Variants in TMEM177 observed in about 807,000 individuals in gnomAD.
TMEM177 encodes the protein transmembrane protein 177.
TMEM177 carries 4 observed loss-of-function variants against 14.2 expected under a neutral mutation model. That is an observed-to-expected ratio of 0.28 (90% CI 0.14 to 0.64). The LOEUF is 0.64. Ranked by LOEUF, TMEM177 falls within the 30% of genes least tolerant of loss-of-function variation. The probability of loss-of-function intolerance (pLI) is 0.82; values close to 1 mark genes in which losing one functional copy is unlikely to be tolerated. For missense variants in TMEM177, 344 were observed against 405.2 expected, an observed-to-expected ratio of 0.85 and a Z score of 1.30; for synonymous variants, 179 against 174.5, an observed-to-expected ratio of 1.03 and a Z score of -0.20.
chr2:119,718,052 G>C, the TMEM177 span, among the ~76,000 whole-genome samples: 1 of 152,162 alleles, frequency 6.6e-6, no homozygotes, highest in Non-Finnish European at 1.5e-5. Context: ...CCAAGGGAGT[G>C]GGGGCACAAA....
At chr2:119,715,067 C>T in the TMEM177 span, among the ~76,000 whole-genome samples, 1 of 152,124 alleles carries the variant, frequency 6.6e-6, no homozygotes, top group South Asian at 2.1e-4. Flanking sequence ...CATGGAGGCT[C>T]TTATCACTCT....
At chr2:119,708,924 T>G in the TMEM177 span, among the ~76,000 whole-genome samples, 1 of 152,248 alleles carries the variant, frequency 6.6e-6, no homozygotes, top group African/African-American at 2.4e-5. Context: ...AGGCAAGAAC[T>G]AAGTCTCATA....
chr2:119,684,130 C>A (rs1006568834), downstream of TMEM177, among the ~76,000 whole-genome samples: 3 of 152,190 alleles, frequency 2.0e-5, no homozygotes, highest in Non-Finnish European at 4.4e-5. Flanking sequence ...CATCTCCTGC[C>A]CATCCGTGTC....
the TMEM177 span, among the ~76,000 whole-genome samples, chr2:119,701,656 G>T: frequency 0.93 from 142,429 of 152,336 alleles, 66,862 homozygotes; most frequent in East Asian, 1. Flanking sequence ...AGACAGAGCC[G>T]GTTTATCAAG....
chr2:119,720,165 T>G, the TMEM177 span, among the ~76,000 whole-genome samples: 1 of 151,980 alleles, frequency 6.6e-6, no homozygotes, highest in Non-Finnish European at 1.5e-5. Context: ...AAATTTTAAA[T>G]AAACACAGGG....
At chr2:119,691,844 C>G in the TMEM177 span, among the ~76,000 whole-genome samples, 1 of 152,220 alleles carries the variant, frequency 6.6e-6, no homozygotes, top group South Asian at 2.1e-4. Context: ...GTCCCCATCA[C>G]CTGGTGACAT....
At chr2:119,703,103 T>G in the TMEM177 span, among the ~76,000 whole-genome samples, 2 of 152,210 alleles carry the variant, frequency 1.3e-5, no homozygotes, top group Admixed American at 6.5e-5. Context: ...CCCAGAGAGC[T>G]AGGAGCGCCT....
intron 1 of TMEM177, among the ~76,000 whole-genome samples, chr2:119,679,784 A>T (rs764533858): frequency 6.6e-6 from 1 of 152,214 alleles, no homozygotes; most frequent in Non-Finnish European, 1.5e-5. Flanking sequence ...AAGTTGATGG[A>T]TGTACTATTT....
At chr2:119,691,231 C>G (rs1005302248), downstream of TMEM177, among the ~76,000 whole-genome samples, 3 of 152,194 alleles carry the variant, frequency 2.0e-5, no homozygotes, top group African/African-American at 4.8e-5. Context: ...GCTGTGGGCA[C>G]GTTCCTGAGC....
downstream of TMEM177, among the ~76,000 whole-genome samples, chr2:119,687,266 G>A (rs564663542): frequency 1.3e-5 from 2 of 152,268 alleles, no homozygotes; most frequent in African/African-American, 4.8e-5. Context: ...GGGCCACAAG[G>A]CACTGAATCC....
the TMEM177 span, among the ~76,000 whole-genome samples, chr2:119,708,644 GAC>G: frequency 0.047 from 6,822 of 146,676 alleles, 209 homozygotes; most frequent in East Asian, 0.093. Flanking sequence ...ATCACACGCA[GAC>G]ACACACACAC....
chr2:119,680,927 C>T lies in TMEM177; in HGVS notation c.74C>T (p.Ala25Val). Residue 25 changes from alanine to valine, a missense_variant, in exon 2 of 2, where the codon GCA becomes GTA. Coordinates refer to ENST00000272521, the MANE Select transcript of TMEM177 (RefSeq NM_030577.3). ...ACAGGCCTCTTGGTGGGTTCCTGTG[C>T]AGGCCTGTTTGGAGTTCCAATCTCG... is the stretch of plus-strand genomic sequence containing the variant. ...HRTGLLVGSC[A>V]GLFGVPISYH... is the part of the protein sequence containing the mutation. 1.2e-6 allele frequency: 2 copies of T among 1,614,224 alleles called. No individual in the cohort carries two copies. Among genetic ancestry groups the T allele is most frequent in the Non-Finnish European group, 1.7e-6 (2 of 1,180,024 alleles).
chr2:119,708,895 A>G, the TMEM177 span, among the ~76,000 whole-genome samples: 3 of 152,152 alleles, frequency 2.0e-5, no homozygotes, highest in Non-Finnish European at 4.4e-5. Flanking sequence ...TTTTCCTCAT[A>G]CTAGGTAATG....
chr2:119,682,819 A>G (rs565610839), downstream of TMEM177, among the ~76,000 whole-genome samples: 1 of 152,166 alleles, frequency 6.6e-6, no homozygotes, highest in South Asian at 2.1e-4. Flanking sequence ...CTTGGCTCGT[A>G]GGGGTCAGCA....
the TMEM177 span, among the ~76,000 whole-genome samples, chr2:119,709,982 A>T: frequency 1.2e-4 from 18 of 152,158 alleles, no homozygotes; most frequent in East Asian, 3.3e-3. Context: ...GCCGCCGGGG[A>T]CTGGGGAAAG....
chr2:119,707,021 C>G, the TMEM177 span, among the ~76,000 whole-genome samples: 2 of 152,050 alleles, frequency 1.3e-5, no homozygotes, highest in East Asian at 3.9e-4. Flanking sequence ...AAGCGATTCT[C>G]CTGCCTCAGC....
downstream of TMEM177, among the ~76,000 whole-genome samples, chr2:119,690,839 G>C (rs1689082613): frequency 6.6e-6 from 1 of 152,310 alleles, no homozygotes; most frequent in East Asian, 1.9e-4. Context: ...TCACTGGCTT[G>C]GTTTTCCAAG....
At chr2:119,717,641 C>A in the TMEM177 span, among the ~76,000 whole-genome samples, 6 of 120,000 alleles carry the variant, frequency 5.0e-5, no homozygotes, top group Admixed American at 6.3e-4. Context: ...CAGAGTCTTG[C>A]TCTGTCACCC....
chr2:119,695,694 A>G, the TMEM177 span, among the ~76,000 whole-genome samples: 1 of 152,260 alleles, frequency 6.6e-6, no homozygotes, highest in African/African-American at 2.4e-5. Flanking sequence ...TTTGTAAGAC[A>G]TATTTATCAG....
Sources: gnomAD v4.1 joint callset for allele counts (sites outside exome capture counted in the v4.1 genomes callset) on GRCh38, gnomAD v4.1.1 for gene constraint, MANE v1.5 for transcripts, NCBI Gene and HGNC (gene_info 2026-07-23, HGNC 2026-07-21) for gene names.